CSMD3: variants seen among roughly 807,000 people sequenced by gnomAD.
The protein encoded by CSMD3 is CUB and Sushi multiple domains 3.
A neutral mutation model predicts 435.2 loss-of-function variants in CSMD3; 177 were observed. The ratio of observed to expected loss-of-function variants is 0.41; its 90% CI spans 0.36 to 0.46. The LOEUF (loss-of-function observed/expected upper bound fraction) is 0.46. Ranked by LOEUF, CSMD3 falls within the 20% of genes least tolerant of loss-of-function variation. CSMD3 has a pLI of 0.34. For missense variants in CSMD3, 4,265 were observed against 4,504.6 expected, an observed-to-expected ratio of 0.95 and a Z score of 1.52; for synonymous variants, 1,656 against 1,520.5, an observed-to-expected ratio of 1.09 and a Z score of -2.07.
chr8:112,839,283 C>T (rs2080113884), intron 11 of CSMD3, among the ~76,000 whole-genome samples: 1 of 151,820 alleles, frequency 6.6e-6, no homozygotes, highest in African/African-American at 2.4e-5. Flanking sequence ...TATCTGTACA[C>T]TGGTCTTCTC....
intron 27 of CSMD3, among the ~76,000 whole-genome samples, chr8:112,529,775 AG>A (rs371338485): frequency 3.7e-4 from 56 of 152,306 alleles, no homozygotes; most frequent in African/African-American, 1.3e-3. Context: ...CAGAGCATCA[AG>A]GAAAATTAAG....
At chr8:113,023,396 GTCTC>G (rs150095576) in intron 5 of CSMD3, among the ~76,000 whole-genome samples, 3 of 150,988 alleles carry the variant, frequency 2.0e-5, no homozygotes, top group East Asian at 1.9e-4. Flanking sequence ...AATTTTACTT[GTCTC>G]TCTCTCTCTC....
chr8:112,932,580 G>A (rs1328660319), intron 9 of CSMD3, among the ~76,000 whole-genome samples: 1 of 152,040 alleles, frequency 6.6e-6, no homozygotes, highest in Admixed American at 6.6e-5. Context: ...GGAGCTCGCA[G>A]TGAGGCGAGA....
At chr8:112,281,380 T>C (rs775535738) in intron 58 of CSMD3, 30 bp from the exon 59 acceptor site, 1 of 1,578,818 alleles carries the variant, frequency 6.3e-7, no homozygotes, top group South Asian at 1.1e-5. Context: ...AGAGTATATA[T>C]AAAAAATGCA....
chr8:112,586,877 A>T (rs1830771579), intron 23 of CSMD3, among the ~76,000 whole-genome samples, 189 bp downstream of exon 23: 1 of 151,618 alleles, frequency 6.6e-6, no homozygotes, highest in African/African-American at 2.4e-5. Flanking sequence ...GAAACAAAAC[A>T]TACTATTTCA....
At chr8:112,268,633 C>T (rs1817182706) in intron 59 of CSMD3, among the ~76,000 whole-genome samples, 1 of 152,054 alleles carries the variant, frequency 6.6e-6, no homozygotes, top group Non-Finnish European at 1.5e-5. Flanking sequence ...ATTTATGCAA[C>T]CAAAGACCTA....
chr8:113,211,557 C>T (rs1442408923), intron 3 of CSMD3, among the ~76,000 whole-genome samples: 4 of 152,134 alleles, frequency 2.6e-5, no homozygotes, highest in East Asian at 1.9e-4. Context: ...GGCATCATGG[C>T]GTGTGCTTGT....
chr8:112,332,162 T>C (rs964878187), intron 45 of CSMD3, among the ~76,000 whole-genome samples: 3 of 152,064 alleles, frequency 2.0e-5, no homozygotes, highest in Admixed American at 6.6e-5. Context: ...GAAATTTGTA[T>C]CCTCAAAAAA....
chr8:112,295,918 A>G lies in CSMD3; in HGVS notation c.8529T>C (p.Cys2843=), dbSNP rs927020310. ...AACCAATCAATCGAAAACCAGGATT[A>G]CATTGATATACAACTGTGTCTCTAT... ...YGYRDTVVYQ[C]NPGFRLIGSS... is the part of the protein sequence containing the mutation. The change falls in exon 54 of 71, where the codon TGT becomes TGC. Residue 2843 remains cysteine, a synonymous_variant. Transcript: ENST00000297405. 8.1e-6 allele frequency: 13 copies of G among 1,613,338 alleles called. No individual in the cohort carries two copies. The highest frequency in any genetic ancestry group is 1.1e-5 in the Non-Finnish European group (13 of 1,179,458).
chr8:113,255,498 TTTA>T (rs1251933924), intron 3 of CSMD3, among the ~76,000 whole-genome samples: 1 of 152,060 alleles, frequency 6.6e-6, no homozygotes, highest in Non-Finnish European at 1.5e-5. Flanking sequence ...TTTTTTCAGT[TTTA>T]TATTTGAGTA....
chr8:112,685,863 A>G (rs1385272121), intron 14 of CSMD3, 131 bp from the exon 15 acceptor site: 2 of 675,502 alleles, frequency 3.0e-6, no homozygotes, highest in Non-Finnish European at 4.9e-6. Flanking sequence ...AAATTATAAA[A>G]CAGAACAAAA....
Position 113,168,519 on chromosome 8 carries a change from CAAAAAA to C in CSMD3, c.709+5197_709+5202del, listed in dbSNP as rs71281204. 0.022 allele frequency among the ~76,000 whole-genome samples: 374 copies of C among 16,994 alleles called. 12 individuals carry two copies. The Admixed American group carries it at 0.25, about 11-fold the overall frequency. 11.1% of individuals were successfully genotyped at this position (16,994 alleles called of 152,430 possible). The stretch of plus-strand genomic sequence containing the variant: ...CTGGTGACAGAGCAAGACTCTGTCT[CAAAAAA>C]AAAAAAAAAAAAAAAAAAAAAACTA... On this transcript the variant is annotated intron_variant, in intron 4 of 70. Transcript: ENST00000297405.
intron 32 of CSMD3, among the ~76,000 whole-genome samples, chr8:112,423,249 C>T (rs1450682279): frequency 1.3e-5 from 2 of 151,978 alleles, no homozygotes; most frequent in Non-Finnish European, 2.9e-5. Flanking sequence ...CTAAATACAA[C>T]CAAAGTAACA....
chr8:112,905,892 AAATACCC>A (rs1564088942), intron 10 of CSMD3, among the ~76,000 whole-genome samples: 1 of 151,452 alleles, frequency 6.6e-6, no homozygotes, highest in African/African-American at 2.4e-5. Flanking sequence ...TGTTGATGTC[AAATACCC>A]AATGTGATAG....
At chr8:112,954,832 T>C in intron 7 of CSMD3, 71 bp from the exon 8 acceptor site, 1 of 935,926 alleles carries the variant, frequency 1.1e-6, no homozygotes, top group South Asian at 1.3e-5. Flanking sequence ...GTTAACAAAT[T>C]TTGTTAGCAT....
chr8:112,443,109 G>A (rs1229492831), intron 32 of CSMD3, among the ~76,000 whole-genome samples: 1 of 152,074 alleles, frequency 6.6e-6, no homozygotes, highest in Admixed American at 6.6e-5. Flanking sequence ...AGGAACTTAG[G>A]TATGGATTTG....
intron 35 of CSMD3, among the ~76,000 whole-genome samples, chr8:112,405,244 T>C (rs5014673): frequency 0.15 from 12,740 of 83,214 alleles, 2,097 homozygotes; most frequent in East Asian, 0.35. Context: ...TATATATATA[T>C]ATACATATAT....
chr8:112,847,040 C>T (rs774007111), intron 11 of CSMD3, among the ~76,000 whole-genome samples: 6 of 151,982 alleles, frequency 3.9e-5, no homozygotes, highest in Non-Finnish European at 7.4e-5. Context: ...GTATCAAGAT[C>T]TTCACTCTGC....
At chr8:112,296,089 C>G (rs2130718359) in intron 53 of CSMD3, 83 bp from the exon 54 acceptor site, 1 of 1,106,400 alleles carries the variant, frequency 9.0e-7, no homozygotes, top group Non-Finnish European at 1.3e-6. Context: ...CATGAGCAAA[C>G]CTTTAAAGTT....
Sources: gnomAD v4.1 joint callset for allele counts (sites outside exome capture counted in the v4.1 genomes callset) on GRCh38, gnomAD v4.1.1 for gene constraint, MANE v1.5 for transcripts, NCBI Gene and HGNC (gene_info 2026-07-23, HGNC 2026-07-21) for gene names.